The following TEX11 variants were observed in gnomAD, a reference collection of about 807,000 sequenced individuals.
The protein encoded by TEX11 is testis-expressed protein 11.
Under a neutral mutation model 84.4 loss-of-function variants are expected in TEX11, and 7 were observed. The observed-to-expected ratio is 0.08, with a 90% CI of 0.05 to 0.16. The LOEUF (loss-of-function observed/expected upper bound fraction) is 0.16. Among genes scored for constraint, TEX11 ranks in the 10% least tolerant of loss-of-function variants. TEX11 has a pLI of 1.00. For synonymous variants in TEX11, 264 were observed against 222.8 expected, an observed-to-expected ratio of 1.18 and a Z score of -1.64; for missense variants, 551 against 660.5, an observed-to-expected ratio of 0.83 and a Z score of 1.82.
chrX:70,803,884 C>T (rs1374959860), intron 9 of TEX11, among the ~76,000 whole-genome samples: 1 of 112,023 alleles, frequency 8.9e-6, no homozygotes, highest in Non-Finnish European at 1.9e-5. Flanking sequence ...GTGGCTCACA[C>T]CTGTAATTCC....
At chrX:70,793,485 G>A (rs906280287) in intron 9 of TEX11, among the ~76,000 whole-genome samples, 1 of 111,284 alleles carries the variant, frequency 9.0e-6, no homozygotes, top group African/African-American at 3.3e-5. Flanking sequence ...GAGTTCTCAC[G>A]AAATCTGGTT....
intron 28 of TEX11, among the ~76,000 whole-genome samples, chrX:70,533,627 T>C (rs2087917254): frequency 9.0e-6 from 1 of 110,967 alleles, no homozygotes; most frequent in South Asian, 3.8e-4. Flanking sequence ...CGGTGGTAAT[T>C]TGTGGTCTTG....
intron 9 of TEX11, among the ~76,000 whole-genome samples, chrX:70,746,486 G>A (rs187195699): frequency 1.8e-3 from 205 of 111,525 alleles, no homozygotes; most frequent in Non-Finnish European, 3.4e-3. Context: ...CTACCATACC[G>A]CCAGAATTTA....
At chrX:70,538,941 A>T in intron 28 of TEX11, among the ~76,000 whole-genome samples, 1 of 104,357 alleles carries the variant, frequency 9.6e-6, no homozygotes. Context: ...AAATTGAACA[A>T]GTAGAAGGCC....
rs372136567 is a variant in TEX11 at position 70,610,569 on chromosome X, C to A, written c.1752-26G>T. 22 of 1,170,612 alleles carry A rather than the reference C, an allele frequency of 1.9e-5. No homozygotes were observed. In the African/African-American group the frequency reaches 3.6e-4, roughly 19 times the overall value. On this transcript the variant is annotated intron_variant, in intron 20 of 29. Transcript: ENST00000374333. ...CTAAAAATAAAGAAAAGGATATTTT[C>A]CAACTGCTCCAAATCTTTACTATAA... is the stretch of plus-strand genomic sequence containing the variant.
chrX:70,548,493 C>T (rs1035929910), intron 28 of TEX11, among the ~76,000 whole-genome samples: 2 of 110,985 alleles, frequency 1.8e-5, no homozygotes, highest in South Asian at 3.9e-4. Flanking sequence ...TTCGTATCAC[C>T]GAAAGAGCCA....
the TEX11 span, among the ~76,000 whole-genome samples, chrX:70,521,814 G>C: frequency 9.0e-6 from 1 of 111,421 alleles, no homozygotes; most frequent in African/African-American, 3.3e-5. Flanking sequence ...GAAAAGAAAG[G>C]TAGCATGAGG....
Position 70,579,048 on chromosome X carries a change from C to T in TEX11, c.2140+12703G>A, listed in dbSNP as rs139471128. Among the ~76,000 whole-genome samples the T allele has an allele frequency of 8.9e-3, 976 of 109,302 alleles. 17 individuals carry two copies. The highest frequency in any genetic ancestry group is 0.03 in the African/African-American group (910 of 30,173). The allele number at this position is 109,302 out of a possible 115,157, so 94.9% of individuals were successfully genotyped here. On this transcript the variant is annotated intron_variant, in intron 25 of 29. Transcript: ENST00000374333. ...TGGCCTCCCAAAGTGCTGGTTACTG[C>T]GCCCAGCCAGAAGTTGAACTTTTAA...
At chrX:70,595,434 T>C (rs1278077646) in intron 24 of TEX11, among the ~76,000 whole-genome samples, 1 of 111,595 alleles carries the variant, frequency 9.0e-6, no homozygotes, top group East Asian at 2.8e-4. Flanking sequence ...AGTGATACTA[T>C]AAGATGTATT....
Position 70,797,565 on chromosome X carries a change from C to G in TEX11, c.692+9140G>C, listed in dbSNP as rs899515305. Among the ~76,000 whole-genome samples, 3 of 109,379 alleles carry G rather than the reference C, an allele frequency of 2.7e-5. No individual in the cohort carries two copies. In the Admixed American group the frequency reaches 3.0e-4, roughly 11 times the overall value. The allele number at this position is 109,379 out of a possible 115,157, so 95.0% of individuals were successfully genotyped here. On this transcript the variant is annotated intron_variant, in intron 9 of 29. Transcript: ENST00000374333. ...GCCAGCATTACCCTAATATCAAAGC[C>G]AGACAAGGACATGACAAAAAAACTA...
intron 2 of TEX11, among the ~76,000 whole-genome samples, chrX:70,900,285 C>T (rs1307069126): frequency 1.9e-5 from 2 of 105,762 alleles, no homozygotes; most frequent in African/African-American, 3.5e-5. Flanking sequence ...GCAGGAGAAT[C>T]GCTTGAACCC....
chrX:70,632,688 T>C (rs183860630), intron 17 of TEX11, among the ~76,000 whole-genome samples: 1 of 111,794 alleles, frequency 8.9e-6, no homozygotes, highest in East Asian at 2.8e-4. Flanking sequence ...ATTGATCCTT[T>C]AGTTACACTG....
At chrX:70,522,665 C>T in the TEX11 span, among the ~76,000 whole-genome samples, 6 of 110,036 alleles carry the variant, frequency 5.5e-5, no homozygotes, top group African/African-American at 2.0e-4. Context: ...TCCTGAGTAG[C>T]TGGGATTAAA....
Position 70,595,558 on chromosome X carries a change from T to C in TEX11, c.2068-3735A>G, listed in dbSNP as rs191831177. Among the ~76,000 whole-genome samples the C allele has an allele frequency of 2.7e-5, 3 of 111,765 alleles. No individual in the cohort carries two copies. The East Asian group carries it at 8.4e-4, about 31-fold the overall frequency. ...CTATATCTCACTGAAATTGGGTTTATAATCTGATGTAGATTCTGATAAATT... is the reference window on the plus strand; with the variant it reads ...CTATATCTCACTGAAATTGGGTTTACAATCTGATGTAGATTCTGATAAATT... On this transcript the variant is annotated intron_variant, in intron 24 of 29. Coordinates refer to ENST00000374333, the MANE Select transcript of TEX11 (RefSeq NM_031276.3).
At chrX:70,723,916 C>T (rs2090580171) in intron 12 of TEX11, among the ~76,000 whole-genome samples, 1 of 111,544 alleles carries the variant, frequency 9.0e-6, no homozygotes, top group South Asian at 3.7e-4. Context: ...AATGCAAAAT[C>T]TAGTATTTTT....
intron 11 of TEX11, among the ~76,000 whole-genome samples, chrX:70,734,475 T>C (rs73542988): frequency 0.069 from 7,721 of 111,238 alleles, 576 homozygotes; most frequent in African/African-American, 0.21. Flanking sequence ...AATTCTATTA[T>C]CTGTTTAGTA....
chrX:70,608,665 C>T (rs1013893082), intron 22 of TEX11, among the ~76,000 whole-genome samples: 5 of 106,062 alleles, frequency 4.7e-5, no homozygotes, highest in Admixed American at 1.0e-4. Flanking sequence ...GGTGTGAACC[C>T]GGGAGGCGGA....
intron 21 of TEX11, among the ~76,000 whole-genome samples, chrX:70,609,729 A>G (rs1303249735): frequency 8.9e-6 from 1 of 111,964 alleles, no homozygotes; most frequent in East Asian, 2.8e-4. Flanking sequence ...TGAGGTATAA[A>G]ATTGAACTAC....
chrX:70,578,023 C>A (rs2088703150), intron 25 of TEX11, among the ~76,000 whole-genome samples: 1 of 111,709 alleles, frequency 9.0e-6, no homozygotes. Context: ...CCACCACACC[C>A]AGCCAAGGTT....
Sources: allele counts gnomAD v4.1 joint callset (sites outside exome capture counted in the v4.1 genomes callset), GRCh38; gene constraint gnomAD v4.1.1; transcripts MANE v1.5; gene names NCBI Gene and HGNC (gene_info 2026-07-23, HGNC 2026-07-21).